IQSEC2: variants seen among roughly 807,000 people sequenced by gnomAD.
IQSEC2 encodes the protein IQ motif and SEC7 domain-containing protein 2.
IQSEC2 carries 6 observed loss-of-function variants against 74.6 expected under a neutral mutation model. The observed-to-expected ratio is 0.08, with a 90% CI of 0.04 to 0.16. The LOEUF (loss-of-function observed/expected upper bound fraction) is 0.16, where lower values mean the gene tolerates loss of function less well. IQSEC2 is among the 10% of genes least tolerant of loss of function. The pLI is 1.00. For synonymous variants in IQSEC2, 494 were observed against 544.5 expected, an observed-to-expected ratio of 0.91 and a Z score of 1.29; for missense variants, 734 against 1,306.2, an observed-to-expected ratio of 0.56 and a Z score of 6.75.
chrX:53,296,517 A>C (rs2075154208), intron 1 of IQSEC2, among the ~76,000 whole-genome samples: 1 of 111,558 alleles, frequency 9.0e-6, no homozygotes, highest in Admixed American at 9.5e-5. Flanking sequence ...CCTTACACCT[A>C]ACCGCAAATG....
At chrX:53,286,471 A>G in intron 2 of IQSEC2, among the ~76,000 whole-genome samples, 1 of 111,820 alleles carries the variant, frequency 8.9e-6, no homozygotes. Flanking sequence ...TGAGGGAATC[A>G]ATTATCTCAC....
At chrX:53,292,801 G>C (rs782749830) in intron 1 of IQSEC2, among the ~76,000 whole-genome samples, 1 of 111,690 alleles carries the variant, frequency 9.0e-6, no homozygotes, top group African/African-American at 3.3e-5. Context: ...ATGTGCGCGC[G>C]CACGTGTGTG....
chrX:53,317,872 C>T (rs1299543522), intron 1 of IQSEC2, among the ~76,000 whole-genome samples: 1 of 112,303 alleles, frequency 8.9e-6, no homozygotes, highest in Admixed American at 9.4e-5. Flanking sequence ...ACAGGCCCTC[C>T]TGATGCCAGG....
intron 2 of IQSEC2, among the ~76,000 whole-genome samples, chrX:53,264,898 G>A (rs191320848): frequency 2.0e-5 from 2 of 102,236 alleles, no homozygotes; most frequent in Admixed American, 1.1e-4. Context: ...TGGAGAGCTC[G>A]CAGAGGACAC....
chrX:53,320,270 C>T lies in IQSEC2; in HGVS notation c.707+147G>A, dbSNP rs1192103760. 5 of 537,999 alleles carry T rather than the reference C, an allele frequency of 9.3e-6. No individual in the cohort carries two copies. The African/African-American group carries it at 9.7e-5, about 10-fold the overall frequency. 44.3% of individuals were successfully genotyped at this position (537,999 alleles called of 1,213,427 possible). A position where few individuals can be genotyped will look rare whatever the true frequency, so the allele number is the denominator to read the frequency against. On this transcript the variant is annotated intron_variant, in intron 1 of 14. Transcript: ENST00000642864. ...GGGGTGGCCAGGGAAGGGGTGTCGGCTGGATGAGGGGGACCTGGCTTCTCC... is the reference window on the plus strand; with the variant it reads ...GGGGTGGCCAGGGAAGGGGTGTCGGTTGGATGAGGGGGACCTGGCTTCTCC...
At chrX:53,243,177 T>A (rs939965932) in intron 9 of IQSEC2, among the ~76,000 whole-genome samples, 155 bp downstream of exon 9, 6 of 112,072 alleles carry the variant, frequency 5.4e-5, no homozygotes, top group Middle Eastern at 4.2e-3. Flanking sequence ...CTCGATGCAT[T>A]CACTCTGCAC....
intron 2 of IQSEC2, 133 bp from the exon 3 acceptor site, chrX:53,256,194 C>T (rs1038028603): frequency 3.2e-6 from 2 of 620,367 alleles, no homozygotes; most frequent in Non-Finnish European, 4.8e-6. Flanking sequence ...TATAGGGACC[C>T]AACACTTACA....
chrX:53,262,503 C>T (rs2074583509), intron 2 of IQSEC2, among the ~76,000 whole-genome samples: 1 of 112,083 alleles, frequency 8.9e-6, no homozygotes, highest in Non-Finnish European at 1.9e-5. Context: ...GAAGTAGAGA[C>T]AAGAAAACAA....
chrX:53,234,094 T>A lies in IQSEC2; in HGVS notation c.*125A>T. 3.2e-6 allele frequency: 1 copy of A among 315,802 alleles called. No homozygotes were observed. The highest frequency in any genetic ancestry group is 5.7e-6 in the Non-Finnish European group (1 of 176,522). The allele number at this position is 315,802 out of a possible 1,213,427, so 26.0% of individuals were successfully genotyped here. On this transcript the variant is annotated 3_prime_UTR_variant, in exon 15 of 15. Transcript: ENST00000642864. ...GACGGGTCCCAAGGCAGGGAGGACATGGGGAGGAGGACATTGCTATGTGTA... is the reference window on the plus strand; with the variant it reads ...GACGGGTCCCAAGGCAGGGAGGACAAGGGGAGGAGGACATTGCTATGTGTA...
At chrX:53,317,544 T>C (rs1460230697) in intron 1 of IQSEC2, among the ~76,000 whole-genome samples, 8 of 111,902 alleles carry the variant, frequency 7.1e-5, no homozygotes, top group Non-Finnish European at 1.5e-4. Flanking sequence ...AAAATGTGGA[T>C]CGTGGTGACA....
chrX:53,320,242 C>G (rs1394352080), intron 1 of IQSEC2, among the ~76,000 whole-genome samples, 175 bp downstream of exon 1: 1 of 111,630 alleles, frequency 9.0e-6, no homozygotes, highest in Admixed American at 9.4e-5. Context: ...GCCAACCCAG[C>G]CTGGGGTGGC....
At chrX:53,286,893 T>C (rs1410259129) in intron 2 of IQSEC2, among the ~76,000 whole-genome samples, 3 of 89,048 alleles carry the variant, frequency 3.4e-5, no homozygotes, top group Admixed American at 3.2e-4. Context: ...TGAGCCAAGA[T>C]CATGGCATTG....
At chrX:53,291,054 G>GGGCTC (rs1409111170) in intron 2 of IQSEC2, among the ~76,000 whole-genome samples, 1 of 111,961 alleles carries the variant, frequency 8.9e-6, no homozygotes, top group African/African-American at 3.3e-5. Context: ...TCTGCTGCCT[G>GGGCTC]GGCTCAGCTC....
intron 2 of IQSEC2, among the ~76,000 whole-genome samples, chrX:53,269,390 G>A (rs1269430501): frequency 3.6e-5 from 4 of 110,374 alleles, no homozygotes; most frequent in African/African-American, 9.9e-5. Flanking sequence ...TAAGAAAGAG[G>A]GGGCCCCTCT....
chrX:53,297,102 G>A (rs912163323), intron 1 of IQSEC2, among the ~76,000 whole-genome samples: 11 of 109,419 alleles, frequency 1.0e-4, no homozygotes, highest in African/African-American at 3.3e-4. Flanking sequence ...CTGGGGTCAA[G>A]CAGTATCTCC....
At chrX:53,256,491 CG>C (rs2074470390) in intron 2 of IQSEC2, among the ~76,000 whole-genome samples, 1 of 110,615 alleles carries the variant, frequency 9.0e-6, no homozygotes, top group Admixed American at 9.5e-5. Flanking sequence ...ACGCAGTGCT[CG>C]CTGTGATTTC....
chrX:53,255,899 T>C lies in IQSEC2; in HGVS notation c.900A>G (p.Pro300=). The part of the protein sequence containing the change: ...LPWAQRARLQ[P]ASVALRKQEE... ...CCTGCTTCCTCAGGGCGACACTGGC[T>C]GGCTGGAGGCGTGCCCGCTGAGCCC... The change falls in exon 3 of 15, where the codon CCA becomes CCG. Residue 300 remains proline, a synonymous_variant. Coordinates refer to ENST00000642864, the MANE Select transcript of IQSEC2 (RefSeq NM_001111125.3). The C allele has an allele frequency of 3.3e-6, 4 of 1,210,090 alleles. No individual in the cohort carries two copies. The highest frequency in any genetic ancestry group is 2.3e-4 in the Middle Eastern group (1 of 4,353).
intron 3 of IQSEC2, among the ~76,000 whole-genome samples, chrX:53,255,293 G>C (rs1314904058): frequency 2.7e-5 from 3 of 111,305 alleles, no homozygotes; most frequent in Non-Finnish European, 5.7e-5. Flanking sequence ...GAGAAAGGCA[G>C]AGAAGGAAGG....
At chrX:53,253,224 G>A (rs2074417492) in intron 4 of IQSEC2, among the ~76,000 whole-genome samples, 1 of 112,121 alleles carries the variant, frequency 8.9e-6, no homozygotes, top group African/African-American at 3.2e-5. Context: ...GAAAACTAAC[G>A]TACTTAGCAG....
Sources: allele counts gnomAD v4.1 joint callset (sites outside exome capture counted in the v4.1 genomes callset), GRCh38; gene constraint gnomAD v4.1.1; transcripts MANE v1.5; gene names NCBI Gene and HGNC (gene_info 2026-07-23, HGNC 2026-07-21).